The following GLIS3 variants were observed in gnomAD, a reference collection of about 807,000 sequenced individuals.
GLIS3 encodes the protein GLIS family zinc finger 3, also known as zinc finger protein GLIS3.
GLIS3 carries 53 observed loss-of-function variants against 78.6 expected under a neutral mutation model. The ratio of observed to expected loss-of-function variants is 0.67; its 90% confidence interval spans 0.54 to 0.85. GLIS3 has a LOEUF of 0.85. GLIS3 is among the 40% of genes least tolerant of loss of function. The pLI is 0.00. For synonymous variants in GLIS3, 684 were observed against 509.9 expected (o/e 1.34, Z -4.60); for missense variants, 1,703 against 1,231.1 (o/e 1.38, Z -5.74).
At chr9:3,857,502 C>CT (rs750379998) in intron 8 of GLIS3, among the ~76,000 whole-genome samples, 23 of 152,132 alleles carry the variant, frequency 1.5e-4, no homozygotes, top group Non-Finnish European at 2.9e-4. Context: ...ATCTCATGTT[C>CT]TTTTTGCTTT....
chr9:3,936,662 A>G lies in GLIS3; in HGVS notation c.1872+366T>C, dbSNP rs531848680. Among the ~76,000 whole-genome samples the G allele has an allele frequency of 4.6e-5, 7 of 152,328 alleles. No homozygotes were observed. The South Asian group carries it at 1.5e-3, about 32-fold the overall frequency. On this transcript the variant is annotated intron_variant, in intron 5 of 10. Coordinates refer to ENST00000381971, the MANE Select transcript of GLIS3 (RefSeq NM_001042413.2). ...CAAAAACTGCTTCATATTCCTAGCA[A>G]TAGCACACAGTACCGACTTGATATC... is the stretch of plus-strand genomic sequence containing the variant.
the GLIS3 span, among the ~76,000 whole-genome samples, chr9:4,488,451 G>T: frequency 8.6e-5 from 13 of 151,986 alleles, no homozygotes; most frequent in Admixed American, 2.0e-4. Flanking sequence ...TTCCATTTAT[G>T]TTGGACATTT....
At chr9:4,084,295 A>ACACAC (rs777071830) in intron 4 of GLIS3, among the ~76,000 whole-genome samples, 8 of 87,548 alleles carry the variant, frequency 9.1e-5, no homozygotes, top group Admixed American at 3.8e-4. Flanking sequence ...ACACACACAC[A>ACACAC]AATTCCTAGC....
At chr9:4,473,252 C>T in the GLIS3 span, among the ~76,000 whole-genome samples, 2 of 151,980 alleles carry the variant, frequency 1.3e-5, no homozygotes, top group East Asian at 1.9e-4. Context: ...ATGAGATCAG[C>T]CTGACCATCA....
At chr9:4,275,249 T>C (rs1011720377) in intron 2 of GLIS3, among the ~76,000 whole-genome samples, 29 of 152,072 alleles carry the variant, frequency 1.9e-4, no homozygotes, top group African/African-American at 5.6e-4. Flanking sequence ...TTGAAAAAAG[T>C]CAAGTAAAAT....
the GLIS3 span, among the ~76,000 whole-genome samples, chr9:4,475,580 G>T: frequency 6.6e-6 from 1 of 152,164 alleles, no homozygotes; most frequent in African/African-American, 2.4e-5. Flanking sequence ...GAATCAGGAA[G>T]ATTTCTTTAT....
intron 2 of GLIS3, among the ~76,000 whole-genome samples, chr9:4,185,664 G>C (rs909020162): frequency 6.6e-6 from 1 of 152,186 alleles, no homozygotes; most frequent in Non-Finnish European, 1.5e-5. Context: ...GTTTGAAGAA[G>C]GGAATCAGTC....
At chr9:3,862,620 G>A (rs979292006) in intron 8 of GLIS3, among the ~76,000 whole-genome samples, 3 of 152,164 alleles carry the variant, frequency 2.0e-5, no homozygotes, top group African/African-American at 7.2e-5. Flanking sequence ...CGCACAAGCA[G>A]TTCCAGCCAG....
At chr9:4,290,087 A>C (rs1369075952) in intron 1 of GLIS3, among the ~76,000 whole-genome samples, 1 of 152,156 alleles carries the variant, frequency 6.6e-6, no homozygotes, top group Non-Finnish European at 1.5e-5. Flanking sequence ...AATTTCAAGA[A>C]CATGACTTCC....
chr9:4,409,399 A>G, the GLIS3 span, among the ~76,000 whole-genome samples: 26 of 152,326 alleles, frequency 1.7e-4, no homozygotes, highest in Admixed American at 1.0e-3. Context: ...AGATATTACT[A>G]TAATATACTT....
the GLIS3 span, among the ~76,000 whole-genome samples, chr9:4,438,590 G>T: frequency 2.0e-5 from 3 of 152,120 alleles, no homozygotes; most frequent in South Asian, 6.2e-4. Flanking sequence ...ACATGGTTTG[G>T]CTGTGTCCTC....
chr9:4,269,440 C>T (rs1334124534), intron 2 of GLIS3, among the ~76,000 whole-genome samples: 1 of 152,164 alleles, frequency 6.6e-6, no homozygotes, highest in Admixed American at 6.5e-5. Flanking sequence ...GAAGACTGAT[C>T]ACAGTTTTCA....
intron 2 of GLIS3, among the ~76,000 whole-genome samples, chr9:4,253,856 G>T (rs933989215): frequency 2.0e-5 from 3 of 152,132 alleles, no homozygotes; most frequent in Admixed American, 6.5e-5. Flanking sequence ...CCTGGCTAGG[G>T]GAGGGAGTTC....
intron 4 of GLIS3, among the ~76,000 whole-genome samples, chr9:4,059,838 G>A (rs1038147084): frequency 1.4e-5 from 2 of 143,854 alleles, no homozygotes; most frequent in African/African-American, 2.8e-5. Flanking sequence ...GTGAGAGAGA[G>A]AGAGAGAGAG....
At chr9:4,199,324 C>A (rs1360682708) in intron 2 of GLIS3, among the ~76,000 whole-genome samples, 1 of 152,070 alleles carries the variant, frequency 6.6e-6, no homozygotes, top group Non-Finnish European at 1.5e-5. Context: ...ACCCACCTCA[C>A]ATGTAATGAC....
At chr9:4,368,792 G>C in the GLIS3 span, among the ~76,000 whole-genome samples, 1 of 152,186 alleles carries the variant, frequency 6.6e-6, no homozygotes, top group African/African-American at 2.4e-5. Context: ...CGGTTTTGAA[G>C]GACCCCTCTT....
At chr9:4,469,465 A>G in the GLIS3 span, among the ~76,000 whole-genome samples, 1 of 152,212 alleles carries the variant, frequency 6.6e-6, no homozygotes, top group Non-Finnish European at 1.5e-5. Flanking sequence ...TCAAACTAGA[A>G]CTAAGGATTG....
chr9:4,166,170 GAC>G (rs1478260669), intron 2 of GLIS3, among the ~76,000 whole-genome samples: 2 of 152,348 alleles, frequency 1.3e-5, no homozygotes, highest in African/African-American at 2.4e-5. Context: ...GAAAGTACTT[GAC>G]ACAGTGTCGG....
chr9:3,993,487 T>G lies in GLIS3; in HGVS notation c.1711-56298A>C, dbSNP rs575696001. ...ATTTAGAAATATGTATAAGTATGAA[T>G]GTATATGTACATTTCATGTATATGT... On this transcript the variant is annotated intron_variant, in intron 4 of 10. Transcript: ENST00000381971. 3.6e-3 allele frequency among the ~76,000 whole-genome samples: 544 copies of G among 152,308 alleles called. 3 individuals carry two copies. Among genetic ancestry groups the G allele is most frequent in the African/African-American group, 0.013 (525 of 41,556 alleles).
Sources: gnomAD v4.1 joint callset for allele counts (sites outside exome capture counted in the v4.1 genomes callset) on GRCh38, gnomAD v4.1.1 for gene constraint, MANE v1.5 for transcripts, NCBI Gene and HGNC (gene_info 2026-07-23, HGNC 2026-07-21) for gene names.